The following BNC2 variants were observed in gnomAD, a reference collection of about 807,000 sequenced individuals.
The protein encoded by BNC2 is basonuclin zinc finger protein 2, also known as zinc finger protein basonuclin-2.
BNC2 carries 20 observed loss-of-function variants against 76.3 expected under a neutral mutation model. The observed-to-expected ratio is 0.26, with a 90% CI of 0.18 to 0.38. BNC2 has a LOEUF of 0.38. Among genes scored for constraint, BNC2 ranks in the 10% least tolerant of loss-of-function variants. The pLI is 1.00. For missense variants in BNC2, 1,382 were observed against 1,399.8 expected, an observed-to-expected ratio of 0.99 and a Z score of 0.20; for synonymous variants, 582 against 514.8, an observed-to-expected ratio of 1.13 and a Z score of -1.77.
chr9:16,790,950 C>T lies in BNC2; in HGVS notation c.4-52465G>A, dbSNP rs544448350. On this transcript the variant is annotated intron_variant, in intron 1 of 6. Coordinates refer to ENST00000380672, the MANE Select transcript of BNC2 (RefSeq NM_017637.6). Reference sequence around the variant, plus strand: ...TTTAATTATCCATTTTTATGAAATGCTACATGGGTCTATCACTGGGAGACA... The same window carrying T: ...TTTAATTATCCATTTTTATGAAATGTTACATGGGTCTATCACTGGGAGACA... Among the ~76,000 whole-genome samples, 4 of 151,436 alleles carry T rather than the reference C, an allele frequency of 2.6e-5. No homozygotes were observed. The South Asian group carries it at 6.3e-4, about 24-fold the overall frequency.
chr9:16,444,438 C>A (rs1438648191), intron 5 of BNC2, among the ~76,000 whole-genome samples: 1 of 152,030 alleles, frequency 6.6e-6, no homozygotes, highest in South Asian at 2.1e-4. Context: ...TCCGCCTTTG[C>A]TTGCCTACAC....
chr9:16,647,735 C>T (rs1483436059), intron 3 of BNC2, among the ~76,000 whole-genome samples: 2 of 152,052 alleles, frequency 1.3e-5, no homozygotes, highest in African/African-American at 2.4e-5. Flanking sequence ...GTATTCCCAT[C>T]AATTTAGTAA....
intron 3 of BNC2, among the ~76,000 whole-genome samples, chr9:16,642,366 C>A (rs1360974453): frequency 6.6e-6 from 1 of 152,182 alleles, no homozygotes; most frequent in Non-Finnish European, 1.5e-5. Context: ...CTCCAAAGTT[C>A]TTTCAGGTGG....
chr9:16,672,608 T>C (rs560984018), intron 3 of BNC2, among the ~76,000 whole-genome samples: 1 of 152,344 alleles, frequency 6.6e-6, no homozygotes, highest in African/African-American at 2.4e-5. Context: ...ACACTCATAA[T>C]CACCCTATGC....
At chr9:16,624,164 G>C (rs989362811) in intron 3 of BNC2, among the ~76,000 whole-genome samples, 2 of 152,094 alleles carry the variant, frequency 1.3e-5, no homozygotes, top group Non-Finnish European at 2.9e-5. Context: ...GTCTGGGCAT[G>C]GTCTCTTCAT....
chr9:16,705,444 CCT>C lies in BNC2; in HGVS notation c.330+22351_330+22352del, dbSNP rs1823639085. Reference sequence around the variant, plus strand: ...CAACACCCTGCTCTTGAACATGACCCCTGACCCCTTGCATTGTGACCAGCTTG... The same window carrying C: ...CAACACCCTGCTCTTGAACATGACCCGACCCCTTGCATTGTGACCAGCTTG... On this transcript the variant is annotated intron_variant, in intron 3 of 6. Transcript: ENST00000380672. Among the ~76,000 whole-genome samples the C allele has an allele frequency of 2.0e-5, 3 of 152,158 alleles. No homozygotes were observed. The South Asian group carries it at 6.2e-4, about 32-fold the overall frequency.
intron 5 of BNC2, among the ~76,000 whole-genome samples, chr9:16,472,973 G>C (rs1473865397): frequency 6.6e-6 from 1 of 152,154 alleles, no homozygotes; most frequent in East Asian, 1.9e-4. Flanking sequence ...AGCTGTATGT[G>C]GATACTATGG....
At chr9:16,636,446 G>C (rs1050422165) in intron 3 of BNC2, among the ~76,000 whole-genome samples, 1 of 151,986 alleles carries the variant, frequency 6.6e-6, no homozygotes, top group Non-Finnish European at 1.5e-5. Flanking sequence ...GGGACTATAA[G>C]AGCAGGCAAC....
At chr9:16,795,711 G>A (rs952794336) in intron 1 of BNC2, among the ~76,000 whole-genome samples, 1 of 152,182 alleles carries the variant, frequency 6.6e-6, no homozygotes, top group Non-Finnish European at 1.5e-5. Flanking sequence ...TGATTGTCAT[G>A]AGTTTGGTTC....
At chr9:16,837,237 G>A (rs532190671) in intron 1 of BNC2, among the ~76,000 whole-genome samples, 5 of 152,334 alleles carry the variant, frequency 3.3e-5, no homozygotes, top group African/African-American at 1.2e-4. Flanking sequence ...CAGGCTTGGT[G>A]GCTCATGCCT....
chr9:16,558,835 G>A (rs976926213), intron 4 of BNC2, among the ~76,000 whole-genome samples: 1 of 151,356 alleles, frequency 6.6e-6, no homozygotes, highest in Non-Finnish European at 1.5e-5. Context: ...TCAGGAGGCT[G>A]AAGCAGGAGA....
At chr9:16,722,347 G>A (rs1249999179) in intron 3 of BNC2, among the ~76,000 whole-genome samples, 1 of 152,182 alleles carries the variant, frequency 6.6e-6, no homozygotes, top group Non-Finnish European at 1.5e-5. Flanking sequence ...ACATGGGAGT[G>A]GGAGGATGTG....
chr9:16,739,197 C>T lies in BNC2; in HGVS notation c.4-712G>A, dbSNP rs569030984. On this transcript the variant is annotated intron_variant, in intron 1 of 6. Transcript: ENST00000380672. ...AGGAACTATTATAAAAGTAAGGGCC[C>T]TATACTCCACTACAAAGAGTTGCTA... 3.3e-5 allele frequency among the ~76,000 whole-genome samples: 5 copies of T among 152,220 alleles called. 1 individual carries two copies. The East Asian group carries it at 9.7e-4, about 29-fold the overall frequency.
In BNC2 at chr9:16,804,191, G is replaced by T. The variant is rs571180503; in HGVS notation, c.4-65706C>A. On this transcript the variant is annotated intron_variant, in intron 1 of 6. Coordinates refer to ENST00000380672, the MANE Select transcript of BNC2 (RefSeq NM_017637.6). Reference sequence around the variant, plus strand: ...GATTTGCATATGAGTTATTATTCTTGTCAATAAAGCATCATAAAATAATTT... The same window carrying T: ...GATTTGCATATGAGTTATTATTCTTTTCAATAAAGCATCATAAAATAATTT... 3.3e-5 allele frequency among the ~76,000 whole-genome samples: 5 copies of T among 152,274 alleles called. No homozygotes were observed. In the South Asian group the frequency reaches 1.0e-3, roughly 32 times the overall value.
intron 4 of BNC2, among the ~76,000 whole-genome samples, chr9:16,568,435 T>A (rs1226627308): frequency 2.0e-5 from 3 of 152,186 alleles, no homozygotes; most frequent in Admixed American, 6.5e-5. Context: ...TTTTTGCTAA[T>A]ACGACCAATA....
At chr9:16,552,873 C>T in intron 4 of BNC2, 108 bp from the exon 5 acceptor site, 2 of 865,464 alleles carry the variant, frequency 2.3e-6, no homozygotes, top group Non-Finnish European at 1.9e-6. Flanking sequence ...TCCATTTCTA[C>T]ACATGAATGT....
chr9:16,780,249 A>AAAC (rs1554729472), intron 1 of BNC2, among the ~76,000 whole-genome samples: 213 of 132,074 alleles, frequency 1.6e-3, no homozygotes, highest in South Asian at 2.2e-3. Flanking sequence ...AAAAAAAAAA[A>AAAC]AAAAAAACAA....
chr9:16,801,834 A>G (rs1817790292), intron 1 of BNC2, among the ~76,000 whole-genome samples: 1 of 152,076 alleles, frequency 6.6e-6, no homozygotes, highest in Admixed American at 6.6e-5. Flanking sequence ...TAGCTTCAAA[A>G]CAGCTGTGTG....
intron 1 of BNC2, among the ~76,000 whole-genome samples, chr9:16,769,468 G>C (rs1825777925): frequency 1.3e-5 from 2 of 152,218 alleles, no homozygotes; most frequent in Non-Finnish European, 2.9e-5. Flanking sequence ...TGGTTAATAA[G>C]TGATGGGGGT....
Sources: allele counts gnomAD v4.1 joint callset (sites outside exome capture counted in the v4.1 genomes callset), GRCh38; gene constraint gnomAD v4.1.1; transcripts MANE v1.5; gene names NCBI Gene and HGNC (gene_info 2026-07-23, HGNC 2026-07-21).